The following CBLB variants were observed in gnomAD, a reference collection of about 807,000 sequenced individuals.
CBLB encodes E3 ubiquitin-protein ligase CBL-B.
A neutral mutation model predicts 104.9 loss-of-function variants in CBLB; 31 were observed. The ratio of observed to expected loss-of-function variants is 0.30; its 90% CI spans 0.22 to 0.40. The LOEUF (loss-of-function observed/expected upper bound fraction) is 0.40, where lower values mean the gene tolerates loss of function less well. Ranked by LOEUF, CBLB falls within the 10% of genes least tolerant of loss-of-function variation. The probability of loss-of-function intolerance (pLI) is 1.00; values close to 1 mark genes in which losing one functional copy is unlikely to be tolerated. For synonymous variants in CBLB, 440 were observed against 422.6 expected, an observed-to-expected ratio of 1.04 and a Z score of -0.51; for missense variants, 1,062 against 1,214.6, an observed-to-expected ratio of 0.87 and a Z score of 1.87.
intron 6 of CBLB, 98 bp from the exon 7 acceptor site, chr3:105,740,729 A>C: frequency 9.2e-7 from 1 of 1,085,692 alleles, no homozygotes; most frequent in Non-Finnish European, 1.4e-6. Flanking sequence ...ATAAACAATC[A>C]TTTAGAATTC....
At chr3:105,686,402 G>T (rs2067004895) in intron 13 of CBLB, among the ~76,000 whole-genome samples, 1 of 150,408 alleles carries the variant, frequency 6.6e-6, no homozygotes, top group Non-Finnish European at 1.5e-5. Context: ...AAATCTTTTT[G>T]TTAATCATCA....
At chr3:105,716,568 T>C (rs1209770830) in intron 10 of CBLB, among the ~76,000 whole-genome samples, 3 of 152,162 alleles carry the variant, frequency 2.0e-5, no homozygotes, top group Admixed American at 6.5e-5. Flanking sequence ...AAAATTTAGG[T>C]TTTATTGAAA....
At chr3:105,799,076 A>G (rs2082544885) in intron 3 of CBLB, among the ~76,000 whole-genome samples, 1 of 152,126 alleles carries the variant, frequency 6.6e-6, no homozygotes, top group African/African-American at 2.4e-5. Context: ...TCTAGATGGA[A>G]AAATGAAATG....
chr3:105,798,787 A>G lies in CBLB; in HGVS notation c.420-22245T>C, dbSNP rs2082517299. Among the ~76,000 whole-genome samples the G allele has an allele frequency of 2.0e-5, 3 of 152,048 alleles. No individual in the cohort carries two copies. The South Asian group carries it at 6.2e-4, about 32-fold the overall frequency. On this transcript the variant is annotated intron_variant, in intron 3 of 18. Coordinates refer to ENST00000394030, the MANE Select transcript of CBLB (RefSeq NM_170662.5). ...TGACATGCATTTATGCAAACACAAG[A>G]TTTTCTGCAAGATTTTCAATGAAAA... is the stretch of plus-strand genomic sequence containing the variant.
intron 9 of CBLB, among the ~76,000 whole-genome samples, chr3:105,732,271 A>G (rs1174696282): frequency 6.6e-6 from 1 of 152,214 alleles, no homozygotes; most frequent in Non-Finnish European, 1.5e-5. Context: ...TCTTCTACCA[A>G]CATATCTACA....
chr3:105,729,266 T>TTTTAAC (rs1295200622), intron 9 of CBLB, among the ~76,000 whole-genome samples: 1 of 152,140 alleles, frequency 6.6e-6, no homozygotes, highest in South Asian at 2.1e-4. Context: ...TCAGGTTTAA[T>TTTTAAC]TTTAACTTTA....
chr3:105,751,493 A>G lies in CBLB; in HGVS notation c.692T>C (p.Phe231Ser). The change falls in exon 5 of 19, where the codon TTT (phenylalanine) becomes TCT (serine). Residue 231 changes from phenylalanine to serine, a missense_variant. Transcript: ENST00000394030. ...DLTCNDYISV[F>S]EFDIFTRLFQ... is the part of the protein sequence containing the mutation. The stretch of plus-strand genomic sequence containing the variant: ...CAGCCTGGTAAAAATATCAAATTCA[A>G]AAACTGAAATGTAATCATTGCAAGT... 4 of 1,611,698 alleles carry G rather than the reference A, an allele frequency of 2.5e-6. No individual in the cohort carries two copies. The highest frequency in any genetic ancestry group is 3.4e-6 in the Non-Finnish European group (4 of 1,177,950).
At chr3:105,793,349 G>T (rs1380138240) in intron 3 of CBLB, among the ~76,000 whole-genome samples, 3 of 152,040 alleles carry the variant, frequency 2.0e-5, no homozygotes, top group Non-Finnish European at 4.4e-5. Context: ...AATAAGCCAA[G>T]GGTAAAATGA....
intron 10 of CBLB, among the ~76,000 whole-genome samples, chr3:105,715,164 A>T (rs1364547048): frequency 2.0e-5 from 3 of 152,172 alleles, no homozygotes; most frequent in Non-Finnish European, 2.9e-5. Context: ...TTTAGCTCTG[A>T]TCTGAATGAA....
intron 10 of CBLB, among the ~76,000 whole-genome samples, chr3:105,711,107 G>C (rs977760830): frequency 6.6e-6 from 1 of 151,928 alleles, no homozygotes; most frequent in African/African-American, 2.4e-5. Context: ...AGCACAGTCA[G>C]GCTTATTATA....
At chr3:105,836,497 G>A (rs1217000852) in intron 3 of CBLB, among the ~76,000 whole-genome samples, 2 of 152,252 alleles carry the variant, frequency 1.3e-5, no homozygotes, top group South Asian at 2.1e-4. Context: ...ACCCCGCAGA[G>A]GCAATATGAA....
At chr3:105,847,919 G>A (rs536278168) in intron 3 of CBLB, among the ~76,000 whole-genome samples, 3 of 151,956 alleles carry the variant, frequency 2.0e-5, no homozygotes, top group South Asian at 2.1e-4. Context: ...TTTTACTTGC[G>A]CCACTAAAAC....
Position 105,720,239 on chromosome 3 carries a change from A to AAGG in CBLB, c.1214_1215insCCT (p.Gly405_Gln406insLeu). ...CACAACGACAGAAAGGGCAGCCCTG[A>AAGG]CCATCCGACTCCTAAACAAATAGAA... On this transcript the variant is annotated inframe_insertion, in exon 10 of 19. Transcript: ENST00000394030. 6.2e-7 allele frequency: 1 copy of AAGG among 1,612,756 alleles called. No individual in the cohort carries two copies. The highest frequency in any genetic ancestry group is 8.5e-7 in the Non-Finnish European group (1 of 1,179,510).
chr3:105,736,471 T>A (rs1164995522), intron 8 of CBLB, among the ~76,000 whole-genome samples: 2 of 152,338 alleles, frequency 1.3e-5, no homozygotes, highest in South Asian at 4.1e-4. Context: ...CATGTGAGTA[T>A]GTAGAGCTAC....
At chr3:105,796,000 G>C (rs1228951651) in intron 3 of CBLB, among the ~76,000 whole-genome samples, 2 of 152,024 alleles carry the variant, frequency 1.3e-5, no homozygotes, top group Admixed American at 1.3e-4. Context: ...GGGATTACAG[G>C]AGTGAGCCAC....
intron 3 of CBLB, among the ~76,000 whole-genome samples, chr3:105,821,966 T>A (rs2085921397): frequency 6.6e-6 from 1 of 152,158 alleles, no homozygotes; most frequent in Non-Finnish European, 1.5e-5. Flanking sequence ...TCTTTCTGCA[T>A]CTTAACATTT....
At chr3:105,714,836 A>C (rs2071621246) in intron 10 of CBLB, among the ~76,000 whole-genome samples, 1 of 152,222 alleles carries the variant, frequency 6.6e-6, no homozygotes, top group Non-Finnish European at 1.5e-5. Context: ...GATGTATTTT[A>C]ATTGAAGAAG....
intron 12 of CBLB, among the ~76,000 whole-genome samples, chr3:105,700,397 T>C (rs1413914270): frequency 1.3e-5 from 2 of 152,180 alleles, no homozygotes; most frequent in Non-Finnish European, 2.9e-5. Context: ...GAGATATAAC[T>C]AGTTAATTAC....
At chr3:105,670,049 G>A (rs2064899905) in intron 18 of CBLB, among the ~76,000 whole-genome samples, 184 bp downstream of exon 18, 1 of 152,088 alleles carries the variant, frequency 6.6e-6, no homozygotes, top group African/African-American at 2.4e-5. Flanking sequence ...TCTTTTCAAT[G>A]AGGCAGTTCT....
Sources: allele counts gnomAD v4.1 joint callset (sites outside exome capture counted in the v4.1 genomes callset), GRCh38; gene constraint gnomAD v4.1.1; transcripts MANE v1.5; gene names NCBI Gene and HGNC (gene_info 2026-07-23, HGNC 2026-07-21).